The following TJP2 variants were observed in gnomAD, a reference collection of about 807,000 sequenced individuals.
The protein encoded by TJP2 is Friedreich ataxia region gene X104 (tight junction protein ZO-2).
Under a neutral mutation model 133.1 loss-of-function variants are expected in TJP2, and 91 were observed. That is an observed-to-expected ratio of 0.68 (90% CI 0.58 to 0.81). TJP2 has a LOEUF of 0.81. Among genes scored for constraint, TJP2 ranks in the 40% least tolerant of loss-of-function variants. The pLI, the probability that TJP2 is intolerant of heterozygous loss-of-function variation, is 0.00. For missense variants in TJP2, 1,541 were observed against 1,565.6 expected, an observed-to-expected ratio of 0.98 and a Z score of 0.26; for synonymous variants, 592 against 583.4, an observed-to-expected ratio of 1.01 and a Z score of -0.21.
At chr9:69,202,187 C>G (rs1335453891) in intron 1 of TJP2, among the ~76,000 whole-genome samples, 1 of 152,196 alleles carries the variant, frequency 6.6e-6, no homozygotes, top group African/African-American at 2.4e-5. Context: ...GCAGCTCTCT[C>G]CTTCCAAGAT....
intron 1 of TJP2, among the ~76,000 whole-genome samples, chr9:69,175,895 A>C (rs1321099172): frequency 1.3e-5 from 2 of 152,128 alleles, no homozygotes; most frequent in African/African-American, 4.8e-5. Flanking sequence ...TCCCCTCTGA[A>C]ATGCTGCTGT....
chr9:69,167,070 GA>G (rs949285289), intron 2 of TJP2, among the ~76,000 whole-genome samples: 8 of 147,624 alleles, frequency 5.4e-5, no homozygotes, highest in African/African-American at 9.9e-5. Context: ...CCGTCTCTAC[GA>G]AAAAAAAAAC....
rs1313464920 is a variant in TJP2 at position 69,236,276 on chromosome 9, C to A, written c.1991+38C>A. 3.1e-6 allele frequency: 5 copies of A among 1,606,342 alleles called. No homozygotes were observed. The South Asian group carries it at 5.5e-5, about 18-fold the overall frequency. On this transcript the variant is annotated intron_variant, in intron 13 of 22. Transcript: ENST00000377245. ...GCATTCTCACATACCCCTTTTAATC[C>A]TTCCCCCTGCAGAAAACTAGAGACC... is the stretch of plus-strand genomic sequence containing the variant.
rs754138978 is a variant in TJP2, at chr9:69,229,177, C to G, written c.1454-7C>G. 1.2e-6 allele frequency: 2 copies of G among 1,613,868 alleles called. No individual in the cohort carries two copies. The highest frequency in any genetic ancestry group is 4.5e-5 in the East Asian group (2 of 44,870). ...ATTGATAACAGTAGATGTTTCTTAA[C>G]CTACAGCTCCTCAACCAAAAGCAGC... On this transcript the variant is annotated splice_polypyrimidine_tract_variant and splice_region_variant and intron_variant, in intron 9 of 22. Coordinates refer to ENST00000377245, the MANE Select transcript of TJP2 (RefSeq NM_004817.4).
chr9:69,141,631 ACT>A (rs745716149), intron 1 of TJP2, among the ~76,000 whole-genome samples: 2 of 152,108 alleles, frequency 1.3e-5, no homozygotes, highest in Non-Finnish European at 2.9e-5. Flanking sequence ...TCACTCTGTC[ACT>A]CAGGCTGGAG....
At chr9:69,226,762 G>T (rs1829384045) in intron 7 of TJP2, among the ~76,000 whole-genome samples, 2 of 152,236 alleles carry the variant, frequency 1.3e-5, no homozygotes, top group South Asian at 4.1e-4. Flanking sequence ...CTCCCAAAGT[G>T]CTGGGATTAC....
chr9:69,174,498 G>T (rs1220668241), intron 1 of TJP2, 66 bp downstream of exon 1: 3 of 1,477,894 alleles, frequency 2.0e-6, no homozygotes, highest in Middle Eastern at 2.2e-4. Flanking sequence ...GAGCGCTGGG[G>T]GCTCTGCTCG....
At chr9:69,134,255 G>A (rs1253965086) in intron 1 of TJP2, among the ~76,000 whole-genome samples, 7 of 152,168 alleles carry the variant, frequency 4.6e-5, no homozygotes, top group African/African-American at 1.7e-4. Context: ...TGGATACAAC[G>A]TCAGCAAAAT....
intron 1 of TJP2, among the ~76,000 whole-genome samples, chr9:69,148,275 C>CAA (rs34986827): frequency 2.9e-4 from 26 of 88,660 alleles, no homozygotes; most frequent in East Asian, 6.3e-4. Flanking sequence ...GACACAGTCT[C>CAA]AAAAAAAAAA....
At chr9:69,172,919 A>G (rs139629842), upstream of TJP2, among the ~76,000 whole-genome samples, 639 of 152,218 alleles carry the variant, frequency 4.2e-3, 5 homozygotes, top group African/African-American at 0.014. Context: ...CAGGAGAGCA[A>G]TGCCTTACAT....
chr9:69,234,149 G>A (rs1829990468), intron 11 of TJP2, among the ~76,000 whole-genome samples: 1 of 152,166 alleles, frequency 6.6e-6, no homozygotes, highest in Non-Finnish European at 1.5e-5. Flanking sequence ...ATTCTATTGT[G>A]ATCTGGTGAC....
chr9:69,140,329 A>G (rs1349413705), intron 1 of TJP2, among the ~76,000 whole-genome samples: 1 of 152,198 alleles, frequency 6.6e-6, no homozygotes, highest in African/African-American at 2.4e-5. Context: ...GGTAGGCACT[A>G]TTATTAGCCC....
intron 11 of TJP2, among the ~76,000 whole-genome samples, chr9:69,231,765 C>G (rs994213836): frequency 2.0e-5 from 3 of 152,144 alleles, no homozygotes; most frequent in African/African-American, 7.2e-5. Flanking sequence ...CTGCACGAAC[C>G]TCATGTTGCC....
intron 1 of TJP2, among the ~76,000 whole-genome samples, chr9:69,136,646 A>G (rs777437394): frequency 2.0e-5 from 3 of 152,208 alleles, no homozygotes; most frequent in Non-Finnish European, 4.4e-5. Context: ...TACTAGGGTC[A>G]TGTGCAAGCT....
chr9:69,223,557 T>A (rs920008046), intron 5 of TJP2, among the ~76,000 whole-genome samples: 1 of 152,206 alleles, frequency 6.6e-6, no homozygotes, highest in Non-Finnish European at 1.5e-5. Flanking sequence ...TCCGCCCACC[T>A]CAGCCTCCCG....
chr9:69,245,369 A>G (rs1391952064), intron 17 of TJP2, among the ~76,000 whole-genome samples: 1 of 152,230 alleles, frequency 6.6e-6, no homozygotes, highest in Non-Finnish European at 1.5e-5. Context: ...ATAAGAGGCC[A>G]TGGCAATGTA....
At chr9:69,253,137 C>A in intron 22 of TJP2, 1 of 565,406 alleles carries the variant, frequency 1.8e-6, no homozygotes, top group South Asian at 2.1e-5. Context: ...ATGTTTCCAG[C>A]CAGTACATTT....
intron 1 of TJP2, among the ~76,000 whole-genome samples, chr9:69,207,187 T>G (rs962926683): frequency 6.6e-6 from 1 of 152,210 alleles, no homozygotes; most frequent in Admixed American, 6.5e-5. Context: ...TTTACTATAG[T>G]GAAAAACGCA....
intron 18 of TJP2, 51 bp downstream of exon 18, chr9:69,246,841 T>C: frequency 1.3e-6 from 2 of 1,519,532 alleles, no homozygotes; most frequent in Non-Finnish European, 9.1e-7. Context: ...GTTCTGAAAC[T>C]TTTCTCAAGA....
Sources: gnomAD v4.1 joint callset for allele counts (sites outside exome capture counted in the v4.1 genomes callset) on GRCh38, gnomAD v4.1.1 for gene constraint, MANE v1.5 for transcripts, NCBI Gene and HGNC (gene_info 2026-07-23, HGNC 2026-07-21) for gene names.